The following HIBADH variants were observed in gnomAD, a reference collection of about 807,000 sequenced individuals.
HIBADH encodes the protein 3-hydroxyisobutyrate dehydrogenase, mitochondrial.
HIBADH carries 25 observed loss-of-function variants against 36.1 expected under a neutral mutation model. The ratio of observed to expected loss-of-function variants is 0.69; its 90% CI spans 0.50 to 0.97. The LOEUF (loss-of-function observed/expected upper bound fraction) is 0.97, where lower values mean the gene tolerates loss of function less well. HIBADH is among the 50% of genes least tolerant of loss of function. The pLI is 0.00. For missense variants in HIBADH, 421 were observed against 418.0 expected (o/e 1.01, Z -0.06); for synonymous variants, 160 against 149.5 (o/e 1.07, Z -0.51).
intron 2 of HIBADH, 92 bp downstream of exon 2, chr7:27,649,381 T>G: frequency 4.3e-6 from 4 of 937,836 alleles, no homozygotes; most frequent in Non-Finnish European, 6.2e-6. Flanking sequence ...TACAACTCCA[T>G]TGGGTATACT....
In HIBADH at chr7:27,657,783, A is replaced by G. The variant is rs575836042; in HGVS notation, c.91+4915T>C. Among the ~76,000 whole-genome samples, 209 of 152,306 alleles carry G rather than the reference A, an allele frequency of 1.4e-3. 1 individual carries two copies. Among genetic ancestry groups the G allele is most frequent in the African/African-American group, 4.7e-3 (197 of 41,556 alleles). On this transcript the variant is annotated intron_variant, in intron 1 of 7. Transcript: ENST00000265395. ...TGGGAAGGCCTAGGTTCCTATCCTG[A>G]TAAGTTCACTTCTTAGATGTATACC...
intron 4 of HIBADH, among the ~76,000 whole-genome samples, chr7:27,572,815 A>T (rs1479009162): frequency 6.6e-6 from 1 of 152,192 alleles, no homozygotes; most frequent in Non-Finnish European, 1.5e-5. Flanking sequence ...TCTTGCTCAA[A>T]TTAAGAATTT....
intron 4 of HIBADH, among the ~76,000 whole-genome samples, chr7:27,585,020 C>A (rs1784838216): frequency 6.6e-6 from 1 of 151,830 alleles, no homozygotes; most frequent in Admixed American, 6.6e-5. Context: ...TATTCTTACT[C>A]TGGGGGGATA....
chr7:27,585,162 T>C (rs1784840014), intron 4 of HIBADH, among the ~76,000 whole-genome samples: 1 of 152,000 alleles, frequency 6.6e-6, no homozygotes, highest in Non-Finnish European at 1.5e-5. Flanking sequence ...ATGTTTTTTA[T>C]ATATGTATAT....
At chr7:27,625,928 C>G (rs1785632728) in intron 4 of HIBADH, among the ~76,000 whole-genome samples, 1 of 151,628 alleles carries the variant, frequency 6.6e-6, no homozygotes, top group Non-Finnish European at 1.5e-5. Flanking sequence ...ATGGTGAAAC[C>G]CTGTCTCTAC....
intron 4 of HIBADH, among the ~76,000 whole-genome samples, chr7:27,601,598 G>A (rs183651773): frequency 1.3e-3 from 201 of 152,056 alleles, no homozygotes; most frequent in African/African-American, 4.7e-3. Flanking sequence ...GGGTAATGTT[G>A]GAAAATAAAA....
At position 27,662,824 on chromosome 7, in the gene HIBADH, C is replaced by T. The variant is rs1786453360; in HGVS notation, c.-36G>A. The T allele has an allele frequency of 7.0e-7, 1 of 1,433,778 alleles. No individual in the cohort carries two copies. The allele number at this position is 1,433,778 out of a possible 1,614,324, so 88.8% of individuals were successfully genotyped here. A position where few individuals can be genotyped will look rare whatever the true frequency, so the allele number is the denominator to read the frequency against. ...CCCCTCTCCCCGCGGTGACCTCCGC[C>T]GCCTCCCGGAGGGCCCACAGACTGC... is the stretch of plus-strand genomic sequence containing the variant. On this transcript the variant is annotated 5_prime_UTR_variant, in exon 1 of 8. Coordinates refer to ENST00000265395, the MANE Select transcript of HIBADH (RefSeq NM_152740.4).
At chr7:27,613,561 C>T (rs1369919471) in intron 4 of HIBADH, among the ~76,000 whole-genome samples, 1 of 151,830 alleles carries the variant, frequency 6.6e-6, no homozygotes, top group Non-Finnish European at 1.5e-5. Context: ...TGATCTTTAA[C>T]AGAAACTTTC....
intron 2 of HIBADH, among the ~76,000 whole-genome samples, chr7:27,645,343 C>T (rs908011189): frequency 2.7e-5 from 3 of 109,238 alleles, no homozygotes; most frequent in Non-Finnish European, 3.7e-5. Flanking sequence ...AATCTAGATT[C>T]TAGTGGGTGT....
chr7:27,571,761 T>C (rs1443653602), intron 4 of HIBADH, among the ~76,000 whole-genome samples: 1 of 152,200 alleles, frequency 6.6e-6, no homozygotes, highest in East Asian at 1.9e-4. Context: ...AGAATTTTTA[T>C]TCTTCTATGG....
intron 2 of HIBADH, among the ~76,000 whole-genome samples, chr7:27,645,368 A>ATTTTTTTTTTTTTTT (rs762685685): frequency 3.4e-5 from 2 of 59,652 alleles, no homozygotes; most frequent in Non-Finnish European, 6.3e-5. Context: ...CATGGTTTTG[A>ATTTTTTTTTTTTTTT]TTTTTTTTTT....
In HIBADH at chr7:27,646,174, A is replaced by T. The variant is rs536603585; in HGVS notation, c.252+3299T>A. 5.5e-4 allele frequency among the ~76,000 whole-genome samples: 84 copies of T among 152,332 alleles called. 2 individuals are homozygous for T. The South Asian group carries it at 0.017, about 31-fold the overall frequency. On this transcript the variant is annotated intron_variant, in intron 2 of 7. Transcript: ENST00000265395. Reference sequence around the variant, plus strand: ...TATTAAATTGTAACTCCGTGGGTACAGAACCACACAAGAGAAGGCAAGGGA... The same window carrying T: ...TATTAAATTGTAACTCCGTGGGTACTGAACCACACAAGAGAAGGCAAGGGA...
At position 27,551,073 on chromosome 7, in the gene HIBADH, T is replaced by C. The variant is rs1784311562; in HGVS notation, c.485-7973A>G. Among the ~76,000 whole-genome samples the C allele has an allele frequency of 2.6e-5, 4 of 152,198 alleles. No homozygotes were observed. In the South Asian group the frequency reaches 8.3e-4, roughly 32 times the overall value. ...CTCAGTTTGGCCAATCTACAATGTA[T>C]ACATATTTTATAACATGTACACAAT... On this transcript the variant is annotated intron_variant, in intron 4 of 7. Transcript: ENST00000265395.
intron 1 of HIBADH, among the ~76,000 whole-genome samples, chr7:27,661,114 T>C (rs140381790): frequency 7.2e-5 from 11 of 152,330 alleles, no homozygotes; most frequent in Admixed American, 7.2e-4. Flanking sequence ...TGTAGCTCAA[T>C]ATATGAAGCT....
chr7:27,595,670 A>G (rs1785022552), intron 4 of HIBADH, among the ~76,000 whole-genome samples: 1 of 151,834 alleles, frequency 6.6e-6, no homozygotes, highest in Admixed American at 6.6e-5. Context: ...TATATGACAG[A>G]TAATATTTAT....
chr7:27,624,323 A>C (rs1452099691), intron 4 of HIBADH, among the ~76,000 whole-genome samples: 1 of 152,244 alleles, frequency 6.6e-6, no homozygotes, highest in Non-Finnish European at 1.5e-5. Flanking sequence ...AGGCTATAGT[A>C]ATGTTAAAGC....
chr7:27,606,142 C>T (rs1785223864), intron 4 of HIBADH, among the ~76,000 whole-genome samples: 1 of 152,100 alleles, frequency 6.6e-6, no homozygotes, highest in Non-Finnish European at 1.5e-5. Context: ...CAAAGATTTA[C>T]TTTTTAAAAG....
rs1554300959 is a variant in HIBADH, at chr7:27,645,368, A to ATGTTT, written c.252+4104_252+4105insAAACA. Among the ~76,000 whole-genome samples, 375 of 59,644 alleles carry ATGTTT rather than the reference A, an allele frequency of 6.3e-3. 94 individuals carry two copies. The highest frequency in any genetic ancestry group is 0.016 in the African/African-American group (250 of 15,866). The allele number at this position is 59,644 out of a possible 152,430, so 39.1% of individuals were successfully genotyped here. A position where few individuals can be genotyped will look rare whatever the true frequency, so the allele number is the denominator to read the frequency against. On this transcript the variant is annotated intron_variant, in intron 2 of 7. Coordinates refer to ENST00000265395, the MANE Select transcript of HIBADH (RefSeq NM_152740.4). ...CTAGTGGGTGTGTCTCATGGTTTTG[A>ATGTTT]TTTTTTTTTTTTTTTTTTTTTTTTT...
intron 4 of HIBADH, among the ~76,000 whole-genome samples, chr7:27,578,179 ATTTG>A (rs1784740822): frequency 6.6e-6 from 1 of 152,226 alleles, no homozygotes; most frequent in Admixed American, 6.5e-5. Flanking sequence ...AAGCATGAAT[ATTTG>A]TTAAAACTAA....
Sources: gnomAD v4.1 joint callset for allele counts (sites outside exome capture counted in the v4.1 genomes callset) on GRCh38, gnomAD v4.1.1 for gene constraint, MANE v1.5 for transcripts, NCBI Gene and HGNC (gene_info 2026-07-23, HGNC 2026-07-21) for gene names.